ZNF536: variants seen among roughly 807,000 people sequenced by gnomAD.
The protein encoded by ZNF536 is zinc finger protein 536.
ZNF536 carries 13 observed loss-of-function variants against 84.5 expected under a neutral mutation model. The ratio of observed to expected loss-of-function variants is 0.15; its 90% CI spans 0.10 to 0.24. The LOEUF (loss-of-function observed/expected upper bound fraction) is 0.24. ZNF536 is among the 10% of genes least tolerant of loss of function. The probability of loss-of-function intolerance (pLI) is 1.00; values close to 1 mark genes in which losing one functional copy is unlikely to be tolerated. For missense variants in ZNF536, 1,536 were observed against 1,747.5 expected (o/e 0.88, Z 2.16); for synonymous variants, 811 against 742.5 (o/e 1.09, Z -1.50).
chr19:30,664,254 C>G (rs1347844765), intron 1 of ZNF536, among the ~76,000 whole-genome samples: 1 of 146,560 alleles, frequency 6.8e-6, no homozygotes, highest in East Asian at 2.0e-4. Flanking sequence ...CTCTCTCTCT[C>G]TCTCTCTCCC....
At chr19:30,566,335 C>G (rs1348967817) in intron 1 of ZNF536, among the ~76,000 whole-genome samples, 1 of 152,204 alleles carries the variant, frequency 6.6e-6, no homozygotes, top group East Asian at 1.9e-4. Context: ...ATCCCAGCAG[C>G]AGGATCTGGT....
intron 1 of ZNF536, among the ~76,000 whole-genome samples, chr19:30,598,724 C>A (rs1166518530): frequency 6.6e-6 from 1 of 152,052 alleles, no homozygotes; most frequent in Admixed American, 6.6e-5. Context: ...TGTGAAAAAC[C>A]AACAGGCTCT....
rs1028393139 is a variant in ZNF536 at position 30,557,272 on chromosome 19, A to G, written c.*108A>G. The G allele has an allele frequency of 1.6e-6, 2 of 1,271,962 alleles. No individual in the cohort carries two copies. The highest frequency in any genetic ancestry group is 2.9e-5 in the African/African-American group (2 of 67,888). The allele number at this position is 1,271,962 out of a possible 1,614,324, so 78.8% of individuals were successfully genotyped here. A position where few individuals can be genotyped will look rare whatever the true frequency, so the allele number is the denominator to read the frequency against. ...GTAAAGTCAAGAGAAGAATGTATACACATATGTGTGTTGAATAATTACTAT... is the reference window on the plus strand; with the variant it reads ...GTAAAGTCAAGAGAAGAATGTATACGCATATGTGTGTTGAATAATTACTAT... On this transcript the variant is annotated 3_prime_UTR_variant, in exon 5 of 5. Transcript: ENST00000355537.
intron 1 of ZNF536, among the ~76,000 whole-genome samples, chr19:30,395,729 A>G (rs2049789634): frequency 6.6e-6 from 1 of 152,218 alleles, no homozygotes; most frequent in African/African-American, 2.4e-5. Flanking sequence ...ATTTTTGTTT[A>G]GTAAGGACTT....
rs531032399 is a variant in ZNF536, at chr19:30,430,746, C to T, written c.-2-12815C>T. 1.2e-4 allele frequency among the ~76,000 whole-genome samples: 19 copies of T among 152,326 alleles called. 1 individual carries two copies. The South Asian group carries it at 3.9e-3, about 32-fold the overall frequency. ...CTAGAGTGCAGTGGTGCAATCTCAG[C>T]TCACTGCAATCTCCACCTCCCCAGT... On this transcript the variant is annotated intron_variant, in intron 1 of 4. Coordinates refer to ENST00000355537, the MANE Select transcript of ZNF536 (RefSeq NM_014717.3).
In ZNF536 at chr19:30,624,224, G is replaced by C. The variant is rs188461214; in HGVS notation, c.169+74710G>C. 7.2e-5 allele frequency among the ~76,000 whole-genome samples: 11 copies of C among 152,244 alleles called. No homozygotes were observed. In the East Asian group the frequency reaches 2.1e-3, roughly 29 times the overall value. On this transcript the variant is annotated intron_variant, in intron 1 of 1. Coordinates refer to the ZNF536 transcript ENST00000592773. ...TTGGCCCTCCAAGTTGACCCCTCCT[G>C]TTCCCTCCTGTCTTTCCAGACCCAC...
At chr19:30,275,288 A>C (rs1416878661) in intron 1 of ZNF536, among the ~76,000 whole-genome samples, 3 of 152,158 alleles carry the variant, frequency 2.0e-5, no homozygotes, top group Non-Finnish European at 4.4e-5. Flanking sequence ...TCTAGTTTGC[A>C]CTTCTTACCC....
chr19:30,239,346 T>C (rs1460626412), intron 1 of ZNF536, among the ~76,000 whole-genome samples: 1 of 152,220 alleles, frequency 6.6e-6, no homozygotes, highest in Non-Finnish European at 1.5e-5. Flanking sequence ...TTATCCATGG[T>C]GGTGTGACTT....
chr19:30,278,478 T>C (rs2045320204), intron 1 of ZNF536, among the ~76,000 whole-genome samples: 1 of 152,054 alleles, frequency 6.6e-6, no homozygotes, highest in African/African-American at 2.4e-5. Context: ...TGAAAGGAGC[T>C]CCCGGGGAGT....
intron 2 of ZNF536, among the ~76,000 whole-genome samples, chr19:30,295,853 C>T (rs2045980231): frequency 1.3e-5 from 2 of 152,222 alleles, no homozygotes. Flanking sequence ...TCCTTGGTCC[C>T]TCTTGTTGCC....
rs144876140 is a variant in ZNF536, at chr19:30,417,121, A to G, written c.-2-26440A>G. Among the ~76,000 whole-genome samples the G allele has an allele frequency of 3.5e-3, 508 of 145,508 alleles. 7 individuals are homozygous for G. The highest frequency in any genetic ancestry group is 0.013 in the African/African-American group (491 of 39,120). On this transcript the variant is annotated intron_variant, in intron 1 of 4. Transcript: ENST00000355537. Reference sequence around the variant, plus strand: ...CCTGAATAGCTGGGATTACAGGTGCATGCCACCACGCCAGGCTAATTTTTG... The same window carrying G: ...CCTGAATAGCTGGGATTACAGGTGCGTGCCACCACGCCAGGCTAATTTTTG...
intron 1 of ZNF536, among the ~76,000 whole-genome samples, chr19:30,683,022 C>T (rs933871950): frequency 6.6e-6 from 1 of 152,324 alleles, no homozygotes; most frequent in East Asian, 1.9e-4. Context: ...CTGAAATGTG[C>T]CAACAATTCT....
rs1055668911 is a variant in ZNF536 at position 30,685,806 on chromosome 19, C to T, written c.170-24951C>T. Reference sequence around the variant, plus strand: ...TGGGCTGGGACGCTGTCAGCTCCACCACCTGCCCCACGGTCCTGCCACGTT... The same window carrying T: ...TGGGCTGGGACGCTGTCAGCTCCACTACCTGCCCCACGGTCCTGCCACGTT... On this transcript the variant is annotated intron_variant, in intron 1 of 1. Coordinates refer to the ZNF536 transcript ENST00000592773. 2.6e-5 allele frequency among the ~76,000 whole-genome samples: 4 copies of T among 152,324 alleles called. No homozygotes were observed. The South Asian group carries it at 6.2e-4, about 24-fold the overall frequency.
intron 1 of ZNF536, among the ~76,000 whole-genome samples, chr19:30,629,781 T>G (rs533731473): frequency 1.3e-5 from 2 of 152,218 alleles, no homozygotes; most frequent in African/African-American, 4.8e-5. Flanking sequence ...AACCAGTGCA[T>G]CCACATTCAC....
chr19:30,539,683 C>G (rs1260745564), intron 3 of ZNF536, among the ~76,000 whole-genome samples: 2 of 152,206 alleles, frequency 1.3e-5, no homozygotes, highest in Non-Finnish European at 2.9e-5. Context: ...TCCCTGTGCA[C>G]TACCTTGGGA....
chr19:30,264,395 CTGTGTGTG>C (rs66665013), intron 1 of ZNF536, among the ~76,000 whole-genome samples: 18,921 of 124,498 alleles, frequency 0.15, 1,250 homozygotes, highest in Non-Finnish European at 0.16. Context: ...AGTTGTGCCT[CTGTGTGTG>C]TGTGTGTGTG....
intron 1 of ZNF536, among the ~76,000 whole-genome samples, chr19:30,433,420 C>A (rs565865465): frequency 6.6e-6 from 1 of 152,362 alleles, no homozygotes; most frequent in East Asian, 1.9e-4. Context: ...GTAGGCATTA[C>A]AAAATGTTAT....
In ZNF536 at chr19:30,600,218, T is replaced by A. The variant is rs571847008; in HGVS notation, c.169+50704T>A. Among the ~76,000 whole-genome samples the A allele has an allele frequency of 3.3e-5, 5 of 152,178 alleles. No homozygotes were observed. In the South Asian group the frequency reaches 1.0e-3, roughly 32 times the overall value. ...AGCGATCCTTCTGCCTTAGCCTCCCTAGTAGCTGAGATTACAGGCATGCCC... is the reference window on the plus strand; with the variant it reads ...AGCGATCCTTCTGCCTTAGCCTCCCAAGTAGCTGAGATTACAGGCATGCCC... On this transcript the variant is annotated intron_variant, in intron 1 of 1. Coordinates refer to the ZNF536 transcript ENST00000592773.
chr19:30,629,410 G>A (rs562530100), intron 1 of ZNF536, among the ~76,000 whole-genome samples: 1 of 152,094 alleles, frequency 6.6e-6, no homozygotes, highest in Admixed American at 6.5e-5. Context: ...TGCCCAAGCT[G>A]GTCTCAAACT....
Sources: allele counts gnomAD v4.1 joint callset (sites outside exome capture counted in the v4.1 genomes callset), GRCh38; gene constraint gnomAD v4.1.1; transcripts MANE v1.5; gene names NCBI Gene and HGNC (gene_info 2026-07-23, HGNC 2026-07-21).